The following FANCI variants were observed in gnomAD, a reference collection of about 807,000 sequenced individuals.
The protein encoded by FANCI is Fanconi anemia group I protein.
Under a neutral mutation model 176.1 loss-of-function variants are expected in FANCI, and 156 were observed. The observed-to-expected ratio is 0.89, with a 90% CI of 0.78 to 1.01. The LOEUF (loss-of-function observed/expected upper bound fraction) is 1.01. FANCI is among the 50% of genes least tolerant of loss of function. The probability of loss-of-function intolerance (pLI) is 0.00; values close to 1 mark genes in which losing one functional copy is unlikely to be tolerated. For missense variants in FANCI, 1,678 were observed against 1,534.1 expected, an observed-to-expected ratio of 1.09 and a Z score of -1.57; for synonymous variants, 613 against 541.7, an observed-to-expected ratio of 1.13 and a Z score of -1.83.
intron 22 of FANCI, among the ~76,000 whole-genome samples, chr15:89,293,523 C>T (rs1234460617): frequency 6.6e-6 from 1 of 152,152 alleles, no homozygotes; most frequent in Non-Finnish European, 1.5e-5. Context: ...CCCATCTCTA[C>T]TAATAATGTA....
intron 20 of FANCI, among the ~76,000 whole-genome samples, chr15:89,292,254 T>C (rs2054097028): frequency 6.6e-6 from 1 of 152,244 alleles, no homozygotes; most frequent in Non-Finnish European, 1.5e-5. Context: ...AGTTGTCATA[T>C]CTTGCCTTCA....
rs1060501901 is a variant in FANCI, at chr15:89,283,208, C to T, written c.1656C>T (p.Ser552=). 3 of 1,613,992 alleles carry T rather than the reference C, an allele frequency of 1.9e-6. No homozygotes were observed. The highest frequency in any genetic ancestry group is 3.3e-5 in the Admixed American group (2 of 59,992). The change falls in exon 17 of 38, where the codon AGC becomes AGT. Residue 552 remains serine, a synonymous_variant. Transcript: ENST00000310775. ...TGAAGAACTTTAAAGTTTTAGGCAG[C>T]CTGTCATCCTCTCAGTGCAGTCAGT... The part of the protein sequence containing the change: ...LLLKNFKVLG[S]LSSSQCSQSL...
At chr15:89,314,561 C>G (rs766985157) in intron 35 of FANCI, 51 bp from the exon 36 acceptor site, 32 of 1,414,560 alleles carry the variant, frequency 2.3e-5, no homozygotes, top group Non-Finnish European at 2.8e-5. Flanking sequence ...CAGAGGAAAA[C>G]TTCAAAAACC....
intron 24 of FANCI, among the ~76,000 whole-genome samples, chr15:89,297,890 C>A (rs1198287140): frequency 6.6e-6 from 1 of 151,400 alleles, no homozygotes; most frequent in Non-Finnish European, 1.5e-5. Flanking sequence ...CCCAGGGCTT[C>A]TAGTCTTGCT....
chr15:89,261,696 C>G lies in FANCI; in HGVS notation c.400C>G (p.Leu134Val), dbSNP rs768553208. 7 of 1,614,126 alleles carry G rather than the reference C, an allele frequency of 4.3e-6. No homozygotes were observed. In the East Asian group the frequency reaches 1.3e-4, roughly 31 times the overall value. ...ATCTTTGGAGTTACTACCTATCATTCTCACTGCCCTGGCTACGAAAAAGGA... is the reference window on the plus strand; with the variant it reads ...ATCTTTGGAGTTACTACCTATCATTGTCACTGCCCTGGCTACGAAAAAGGA... ...GKSLELLPIILTALATKKENL... is the reference protein window; with the variant it reads ...GKSLELLPIIVTALATKKENL... The change falls in exon 5 of 38, where the codon CTC becomes GTC. Residue 134 changes from leucine (L) to valine (V), a missense_variant. Around this residue, in one of 3 missense-constraint regions of FANCI, gnomAD observed 469 missense variants for 436.9 expected, o/e 1.07. Coordinates refer to ENST00000310775, the MANE Select transcript of FANCI (RefSeq NM_001113378.2).
At chr15:89,300,011 C>G in intron 25 of FANCI, 45 bp downstream of exon 25, 1 of 1,598,430 alleles carries the variant, frequency 6.3e-7, no homozygotes, top group East Asian at 2.2e-5. Flanking sequence ...TAGGTTTCTC[C>G]TTAGCTCAAC....
At chr15:89,308,120 T>C in intron 34 of FANCI, 1 of 1,100,994 alleles carries the variant, frequency 9.1e-7, no homozygotes, top group Non-Finnish European at 1.1e-6. Context: ...CTAAATACCA[T>C]CAGATTCCTG....
chr15:89,292,473 G>A (rs2054105070), intron 20 of FANCI, among the ~76,000 whole-genome samples: 1 of 152,210 alleles, frequency 6.6e-6, no homozygotes, highest in African/African-American at 2.4e-5. Flanking sequence ...TGAGGTGTCA[G>A]CCACTTAGGC....
At chr15:89,268,664 T>A (rs1332724289) in intron 10 of FANCI, 139 bp downstream of exon 10, 5 of 1,007,324 alleles carry the variant, frequency 5.0e-6, no homozygotes, top group East Asian at 2.6e-5. Context: ...TTTTTTTTTT[T>A]ACTTTAAAAG....
chr15:89,278,280 A>C (rs1323401743), intron 13 of FANCI, among the ~76,000 whole-genome samples: 1 of 152,248 alleles, frequency 6.6e-6, no homozygotes, highest in Non-Finnish European at 1.5e-5. Flanking sequence ...GAAACTGAGA[A>C]AGGGGTTAGG....
intron 10 of FANCI, among the ~76,000 whole-genome samples, chr15:89,271,893 AC>A (rs2053214362): frequency 6.6e-6 from 1 of 152,224 alleles, no homozygotes; most frequent in Non-Finnish European, 1.5e-5. Context: ...TTTGGCTATT[AC>A]AAATAATGCT....
intron 11 of FANCI, 31 bp downstream of exon 11, chr15:89,273,500 T>A: frequency 9.3e-7 from 1 of 1,074,618 alleles, no homozygotes; most frequent in Non-Finnish European, 1.4e-6. Flanking sequence ...TTTGTTTCTT[T>A]CTGTAGTTGG....
intron 2 of FANCI, among the ~76,000 whole-genome samples, chr15:89,257,139 C>A (rs1280368778): frequency 3.3e-5 from 5 of 152,170 alleles, no homozygotes; most frequent in African/African-American, 1.2e-4. Flanking sequence ...ATCTCCTGAC[C>A]TTGTGATCTG....
At chr15:89,255,197 C>G (rs1394217429) in intron 2 of FANCI, among the ~76,000 whole-genome samples, 1 of 152,086 alleles carries the variant, frequency 6.6e-6, no homozygotes. Flanking sequence ...CTGAATGTGT[C>G]TCATTTAGGG....
chr15:89,265,796 A>G (rs1416610622), intron 9 of FANCI, among the ~76,000 whole-genome samples: 2 of 152,152 alleles, frequency 1.3e-5, no homozygotes, highest in Non-Finnish European at 2.9e-5. Context: ...TGCTGGGATC[A>G]CAGGCGTGAG....
chr15:89,286,409 C>G (rs1455207958), intron 18 of FANCI, among the ~76,000 whole-genome samples: 17 of 152,222 alleles, frequency 1.1e-4, no homozygotes, highest in Admixed American at 1.1e-3. Context: ...AGAAATACAA[C>G]TACTGACTTG....
At chr15:89,304,990 G>A in intron 28 of FANCI, 125 bp from the exon 29 acceptor site, 3 of 1,011,198 alleles carry the variant, frequency 3.0e-6, no homozygotes, top group South Asian at 2.5e-5. Flanking sequence ...TGGTGAGGCT[G>A]GTCTTGAATT....
chr15:89,307,405 T>C (rs2054765038), intron 32 of FANCI, 71 bp from the exon 33 acceptor site: 5 of 1,437,356 alleles, frequency 3.5e-6, no homozygotes, highest in East Asian at 4.8e-5. Flanking sequence ...TCACACTCCA[T>C]AGGCTCACTG....
At chr15:89,264,078 A>G in intron 8 of FANCI, 52 bp downstream of exon 8, 2 of 1,607,084 alleles carry the variant, frequency 1.2e-6, no homozygotes, top group Non-Finnish European at 1.7e-6. Context: ...ACCAGTTATG[A>G]CCATTCAACT....
Sources: allele counts gnomAD v4.1 joint callset (sites outside exome capture counted in the v4.1 genomes callset), GRCh38; gene constraint gnomAD v4.1.1; regional missense constraint gnomAD v4.1.1; transcripts MANE v1.5; gene names NCBI Gene and HGNC (gene_info 2026-07-23, HGNC 2026-07-21).